Variants in KCNH1 observed in about 807,000 individuals in gnomAD.
KCNH1 encodes potassium voltage-gated channel subfamily H member 1, also known as voltage-gated delayed rectifier potassium channel KCNH1.
A neutral mutation model predicts 69.2 loss-of-function variants in KCNH1; 27 were observed. The observed-to-expected ratio is 0.39, with a 90% CI of 0.29 to 0.54. The LOEUF is 0.54. KCNH1 is among the 20% of genes least tolerant of loss of function. The pLI is 0.68. For missense variants in KCNH1, 798 were observed against 1,261.6 expected (o/e 0.63, Z 5.57); for synonymous variants, 456 against 487.7 (o/e 0.93, Z 0.86).
intron 6 of KCNH1, among the ~76,000 whole-genome samples, chr1:210,981,392 A>G (rs1169525372): frequency 6.6e-6 from 1 of 151,098 alleles, no homozygotes; most frequent in Non-Finnish European, 1.5e-5. Flanking sequence ...AAAAAAAAAA[A>G]GAATCATCCC....
At chr1:211,001,942 C>T (rs920044554) in intron 6 of KCNH1, among the ~76,000 whole-genome samples, 2 of 147,892 alleles carry the variant, frequency 1.4e-5, no homozygotes, top group Non-Finnish European at 3.0e-5. Flanking sequence ...TGTTCTCACT[C>T]ATAGGTGGGA....
intron 10 of KCNH1, among the ~76,000 whole-genome samples, chr1:210,719,103 T>C (rs1377904089): frequency 6.6e-6 from 1 of 152,220 alleles, no homozygotes; most frequent in Non-Finnish European, 1.5e-5. Context: ...TTAAAATTAA[T>C]TTAAAATTAA....
At chr1:210,734,790 A>G (rs1682833411) in intron 10 of KCNH1, among the ~76,000 whole-genome samples, 1 of 152,100 alleles carries the variant, frequency 6.6e-6, no homozygotes, top group African/African-American at 2.4e-5. Flanking sequence ...CGTTTGAACA[A>G]AAAGCCTTAA....
chr1:210,784,810 C>A (rs1277192539), intron 9 of KCNH1, among the ~76,000 whole-genome samples: 1 of 152,052 alleles, frequency 6.6e-6, no homozygotes, highest in Non-Finnish European at 1.5e-5. Context: ...AGCCACAAAT[C>A]TGGTCAATGA....
intron 10 of KCNH1, among the ~76,000 whole-genome samples, chr1:210,740,704 A>ATTTTTTTTTT (rs199727493): frequency 1.0e-4 from 12 of 117,246 alleles, no homozygotes; most frequent in African/African-American, 3.4e-4. Flanking sequence ...TTATGATTAA[A>ATTTTTTTTTT]TTTTTTTTTT....
At chr1:210,946,543 C>A (rs116320304) in intron 6 of KCNH1, among the ~76,000 whole-genome samples, 39 of 152,334 alleles carry the variant, frequency 2.6e-4, no homozygotes, top group African/African-American at 8.4e-4. Context: ...ACTGCACAGC[C>A]TTCTCTGAGG....
At chr1:211,124,514 G>A (rs1415335070) in intron 1 of KCNH1, among the ~76,000 whole-genome samples, 1 of 152,102 alleles carries the variant, frequency 6.6e-6, no homozygotes, top group Non-Finnish European at 1.5e-5. Context: ...CGTGGTGGCG[G>A]GTGCCTGTAG....
intron 6 of KCNH1, among the ~76,000 whole-genome samples, chr1:211,017,654 A>C (rs567006706): frequency 6.6e-6 from 1 of 152,142 alleles, no homozygotes; most frequent in Non-Finnish European, 1.5e-5. Context: ...TGACATCCTC[A>C]CTGTTTCAAA....
Position 210,797,626 on chromosome 1 carries a change from C to A in KCNH1, c.1797G>T (p.Thr599=), listed in dbSNP as rs147586251. Residue 599 remains threonine, a synonymous_variant, in exon 9 of 11, where the codon ACG becomes ACT. Transcript: ENST00000271751. ...CLRALAMEFQ[T]VHCAPGDLIY... is the part of the protein sequence containing the mutation. ...TGAGGTCCCCTGGGGCACAGTGCAC[C>A]GTCTGGAACTCCATGGCCAGTGCCC... The A allele has an allele frequency of 3.1e-6, 5 of 1,614,122 alleles. No homozygotes were observed. The highest frequency in any genetic ancestry group is 4.2e-6 in the Non-Finnish European group (5 of 1,180,044).
At chr1:210,781,814 T>G (rs926344089) in intron 9 of KCNH1, among the ~76,000 whole-genome samples, 1 of 152,220 alleles carries the variant, frequency 6.6e-6, no homozygotes, top group African/African-American at 2.4e-5. Flanking sequence ...GATCATCTAT[T>G]CTTTCAGTAT....
chr1:210,709,721 GA>G (rs1682010721), intron 10 of KCNH1, among the ~76,000 whole-genome samples: 3 of 113,804 alleles, frequency 2.6e-5, no homozygotes, highest in African/African-American at 7.2e-5. Context: ...AAGAAAGAAA[GA>G]AGAGAGAGAG....
intron 6 of KCNH1, among the ~76,000 whole-genome samples, chr1:210,947,589 G>T (rs1460633700): frequency 6.8e-6 from 1 of 147,686 alleles, no homozygotes. Context: ...AAAAAAAAAA[G>T]CTCAATTCTT....
rs945730202 is a variant in KCNH1 at position 210,831,377 on chromosome 1, T to C, written c.1463-27211A>G. 5.3e-5 allele frequency among the ~76,000 whole-genome samples: 8 copies of C among 152,326 alleles called. No individual in the cohort carries two copies. The East Asian group carries it at 5.8e-4, about 11-fold the overall frequency. On this transcript the variant is annotated intron_variant, in intron 7 of 10. Transcript: ENST00000271751. Reference sequence around the variant, plus strand: ...AATTCTTTTACTAGGCATAATTTCATTGAAAGCTTTTAATGAGTTTTGTAA... The same window carrying C: ...AATTCTTTTACTAGGCATAATTTCACTGAAAGCTTTTAATGAGTTTTGTAA...
At chr1:210,742,900 G>A (rs1257242961) in intron 10 of KCNH1, among the ~76,000 whole-genome samples, 2 of 152,080 alleles carry the variant, frequency 1.3e-5, no homozygotes, top group Non-Finnish European at 1.5e-5. Context: ...TTCAAGTACA[G>A]GAGATACTAC....
chr1:210,703,850 A>G (rs1175794279), intron 10 of KCNH1, among the ~76,000 whole-genome samples: 1 of 152,202 alleles, frequency 6.6e-6, no homozygotes, highest in Non-Finnish European at 1.5e-5. Flanking sequence ...CTAATTAATT[A>G]TACTGTGAAT....
intron 5 of KCNH1, among the ~76,000 whole-genome samples, chr1:211,021,468 C>G (rs186132274): frequency 5.3e-4 from 80 of 152,016 alleles, no homozygotes; most frequent in Middle Eastern, 3.4e-3. Context: ...AAGTCCCAGA[C>G]AGAACAATTA....
intron 7 of KCNH1, among the ~76,000 whole-genome samples, chr1:210,806,696 C>T (rs1684556541): frequency 1.3e-5 from 2 of 149,370 alleles, no homozygotes; most frequent in African/African-American, 5.0e-5. Flanking sequence ...AAACACTTTA[C>T]TTGAAATAAT....
At chr1:211,058,338 G>A (rs1460830352) in intron 5 of KCNH1, among the ~76,000 whole-genome samples, 2 of 152,130 alleles carry the variant, frequency 1.3e-5, no homozygotes, top group Non-Finnish European at 2.9e-5. Flanking sequence ...TAATTGTGGT[G>A]TATAAACTAA....
At chr1:210,869,526 T>TGTGC (rs1686191213) in intron 7 of KCNH1, among the ~76,000 whole-genome samples, 3 of 143,806 alleles carry the variant, frequency 2.1e-5, no homozygotes, top group Admixed American at 7.0e-5. Flanking sequence ...TGTGTGTGTG[T>TGTGC]GCTTTTAGGC....
Sources: allele counts gnomAD v4.1 joint callset (sites outside exome capture counted in the v4.1 genomes callset), GRCh38; gene constraint gnomAD v4.1.1; transcripts MANE v1.5; gene names NCBI Gene and HGNC (gene_info 2026-07-23, HGNC 2026-07-21).